The following TACR1 variants were observed in gnomAD, a reference collection of about 807,000 sequenced individuals.
The protein encoded by TACR1 is substance-P receptor.
In TACR1, 25 loss-of-function variants were observed where a neutral mutation model predicts 35.8. The observed-to-expected ratio is 0.70, with a 90% CI of 0.51 to 0.98. TACR1 has a LOEUF of 0.98. Ranked by LOEUF, TACR1 falls within the 50% of genes least tolerant of loss-of-function variation. The pLI, the probability that TACR1 is intolerant of heterozygous loss-of-function variation, is 0.00. For synonymous variants in TACR1, 195 were observed against 206.7 expected (o/e 0.94, Z 0.48); for missense variants, 478 against 522.9 (o/e 0.91, Z 0.84).
intron 1 of TACR1, among the ~76,000 whole-genome samples, chr2:75,162,015 T>C (rs915280643): frequency 3.7e-5 from 5 of 136,872 alleles, no homozygotes; most frequent in Admixed American, 2.3e-4. Flanking sequence ...AGGAGACCAA[T>C]TGAGATGCTA....
chr2:75,176,088 C>CT (rs1330032532), intron 1 of TACR1, among the ~76,000 whole-genome samples: 2 of 148,892 alleles, frequency 1.3e-5, no homozygotes, highest in Non-Finnish European at 3.0e-5. Context: ...CTACTACATT[C>CT]TTTTTATTTT....
intron 2 of TACR1, among the ~76,000 whole-genome samples, chr2:75,061,620 C>T (rs1672675489): frequency 6.6e-6 from 1 of 152,162 alleles, no homozygotes; most frequent in Non-Finnish European, 1.5e-5. Flanking sequence ...GACCAAGCCT[C>T]CATCAACTGC....
chr2:75,122,556 A>G (rs191875370), intron 1 of TACR1, among the ~76,000 whole-genome samples: 145 of 152,290 alleles, frequency 9.5e-4, no homozygotes, highest in Non-Finnish European at 1.7e-3. Flanking sequence ...GGAAACTCCT[A>G]GAAACTCTTT....
intron 2 of TACR1, among the ~76,000 whole-genome samples, chr2:75,068,217 A>G (rs1248738975): frequency 7.2e-6 from 1 of 138,802 alleles, no homozygotes. Flanking sequence ...CTGGGAACTC[A>G]GGTAAGAGTT....
intron 1 of TACR1, among the ~76,000 whole-genome samples, chr2:75,143,273 G>A (rs1353758241): frequency 6.6e-6 from 1 of 152,158 alleles, no homozygotes; most frequent in Non-Finnish European, 1.5e-5. Flanking sequence ...ACTTTTTCTT[G>A]ACATATTTTC....
intron 1 of TACR1, among the ~76,000 whole-genome samples, chr2:75,125,137 C>T (rs183943958): frequency 6.5e-4 from 99 of 152,086 alleles, no homozygotes; most frequent in Middle Eastern, 3.4e-3. Context: ...GTGCTGACCA[C>T]GCTTCACTTT....
At chr2:75,085,352 T>C (rs1340412876) in intron 2 of TACR1, among the ~76,000 whole-genome samples, 5 of 152,080 alleles carry the variant, frequency 3.3e-5, no homozygotes, top group Non-Finnish European at 7.4e-5. Flanking sequence ...TCTTCTCCCA[T>C]CTCCTCACTT....
At chr2:75,159,691 A>C (rs183719103) in intron 1 of TACR1, among the ~76,000 whole-genome samples, 1 of 152,264 alleles carries the variant, frequency 6.6e-6, no homozygotes, top group Admixed American at 6.5e-5. Context: ...TTTTGACCAC[A>C]CTTTCCCTAA....
Position 75,198,596 on chromosome 2 carries a change from G to C in TACR1, c.339C>G (p.Ile113Met), listed in dbSNP as rs200803720. The C allele has an allele frequency of 1.2e-6, 2 of 1,614,208 alleles. No homozygotes were observed. The highest frequency in any genetic ancestry group is 1.7e-6 in the Non-Finnish European group (2 of 1,180,040). Residue 113 changes from isoleucine (I) to methionine (M), a missense_variant, in exon 1 of 5, where the codon ATC becomes ATG. Physicochemically the swap from Ile to Met is conservative, Grantham distance 10 (BLOSUM62 1). Coordinates refer to ENST00000305249, the MANE Select transcript of TACR1 (RefSeq NM_001058.4). Reference protein sequence around the residue: ...FYCKFHNFFPIAAVFASIYSM... With the variant: ...FYCKFHNFFPMAAVFASIYSM... ...AGTAGATACTGGCGAAGACAGCGGC[G>C]ATGGGAAAGAAGTTGTGGAACTTGC...
intron 1 of TACR1, among the ~76,000 whole-genome samples, chr2:75,181,100 A>G (rs1164643480): frequency 1.3e-5 from 2 of 151,886 alleles, no homozygotes; most frequent in African/African-American, 4.8e-5. Context: ...TTCCAATTCC[A>G]CCCTCAAATC....
At chr2:75,105,974 G>T (rs1298186979) in intron 2 of TACR1, among the ~76,000 whole-genome samples, 1 of 151,926 alleles carries the variant, frequency 6.6e-6, no homozygotes, top group African/African-American at 2.4e-5. Context: ...ACAGGAAAAA[G>T]ACACTAAAGA....
intron 2 of TACR1, among the ~76,000 whole-genome samples, chr2:75,097,869 ATGC>A (rs1673455489): frequency 6.6e-6 from 1 of 152,188 alleles, no homozygotes; most frequent in African/African-American, 2.4e-5. Flanking sequence ...GGCCAGTGGT[ATGC>A]TGGTAACACT....
At chr2:75,054,610 T>C (rs1460363545) in intron 2 of TACR1, among the ~76,000 whole-genome samples, 1 of 152,192 alleles carries the variant, frequency 6.6e-6, no homozygotes, top group African/African-American at 2.4e-5. Flanking sequence ...AAGGGAAGGC[T>C]CCTTTTCAGA....
chr2:75,112,070 C>A (rs1010900822), intron 2 of TACR1, among the ~76,000 whole-genome samples: 1 of 152,032 alleles, frequency 6.6e-6, no homozygotes, highest in African/African-American at 2.4e-5. Flanking sequence ...CAGAATCCTA[C>A]AATTTTAGGT....
At chr2:75,196,058 A>G (rs1278470827) in intron 1 of TACR1, among the ~76,000 whole-genome samples, 1 of 152,220 alleles carries the variant, frequency 6.6e-6, no homozygotes, top group Non-Finnish European at 1.5e-5. Context: ...TTCTGCAGTG[A>G]ACAGGTTTAA....
intron 1 of TACR1, among the ~76,000 whole-genome samples, chr2:75,155,115 A>C (rs999256647): frequency 2.0e-5 from 3 of 152,148 alleles, no homozygotes; most frequent in African/African-American, 7.2e-5. Context: ...ACAAACAAAA[A>C]AATCTAAAAA....
intron 2 of TACR1, among the ~76,000 whole-genome samples, chr2:75,097,911 G>T (rs1673456546): frequency 6.6e-6 from 1 of 152,104 alleles, no homozygotes; most frequent in Admixed American, 6.5e-5. Context: ...AACATCCCCA[G>T]TTTGTAGCAT....
At position 75,057,357 on chromosome 2, in the gene TACR1, T is replaced by C. The variant is rs371114549; in HGVS notation, c.585-3602A>G. Among the ~76,000 whole-genome samples, 28 of 152,174 alleles carry C rather than the reference T, an allele frequency of 1.8e-4. No individual in the cohort carries two copies. In the East Asian group the frequency reaches 4.1e-3, roughly 22 times the overall value. On this transcript the variant is annotated intron_variant, in intron 2 of 4. Transcript: ENST00000305249. ...CACTACCTACCCAAATCCTATAAAA[T>C]GACCCCACCCCTATCTCCCTTCACT...
At chr2:75,070,442 A>G (rs949873225) in intron 2 of TACR1, among the ~76,000 whole-genome samples, 4 of 152,144 alleles carry the variant, frequency 2.6e-5, no homozygotes, top group Admixed American at 6.5e-5. Flanking sequence ...TCTAAATGAA[A>G]TCATGTTGAT....
Sources: gnomAD v4.1 joint callset for allele counts (sites outside exome capture counted in the v4.1 genomes callset) on GRCh38, gnomAD v4.1.1 for gene constraint, MANE v1.5 for transcripts, NCBI Gene and HGNC (gene_info 2026-07-23, HGNC 2026-07-21) for gene names.